GRIP2: variants seen among roughly 807,000 people sequenced by gnomAD.
GRIP2 encodes the protein glutamate receptor interacting protein 2.
Under a neutral mutation model 108.3 loss-of-function variants are expected in GRIP2, and 58 were observed. The observed-to-expected ratio is 0.54, with a 90% CI of 0.43 to 0.67. The LOEUF (loss-of-function observed/expected upper bound fraction) is 0.67. GRIP2 is among the 30% of genes least tolerant of loss of function. GRIP2 has a pLI of 0.00. For missense variants in GRIP2, 1,278 were observed against 1,430.6 expected, an observed-to-expected ratio of 0.89 and a Z score of 1.72; for synonymous variants, 586 against 598.2, an observed-to-expected ratio of 0.98 and a Z score of 0.30.
chr3:14,534,139 T>C (rs7618467), intron 1 of GRIP2, among the ~76,000 whole-genome samples: 32,179 of 152,100 alleles, frequency 0.21, 3,689 homozygotes, highest in African/African-American at 0.3. Flanking sequence ...AGAGGGGACA[T>C]AGGGCCTCTC....
At chr3:14,569,166 G>T in the GRIP2 span, among the ~76,000 whole-genome samples, 1 of 152,232 alleles carries the variant, frequency 6.6e-6, no homozygotes, top group Non-Finnish European at 1.5e-5. Context: ...ATCTTCTGCA[G>T]TGGACTCGGG....
At chr3:14,506,178 C>T (rs895583700) in intron 19 of GRIP2, among the ~76,000 whole-genome samples, 5 of 152,194 alleles carry the variant, frequency 3.3e-5, no homozygotes, top group African/African-American at 9.7e-5. Context: ...AGCAGGTGTC[C>T]GCAGGCAAGA....
At position 14,493,332 on chromosome 3, in the gene GRIP2, G is replaced by C. The variant is rs559450764; in HGVS notation, c.*333C>G. ...CTCCCTACATCTTCGACCTCTCCAA[G>C]GAGGCCCCACAGAGACCTGGGACAG... On this transcript the variant is annotated 3_prime_UTR_variant, in exon 24 of 24. Coordinates refer to ENST00000621039, the MANE Select transcript of GRIP2 (RefSeq NM_001080423.4). 46 of 287,436 alleles carry C rather than the reference G, an allele frequency of 1.6e-4. No homozygotes were observed. The highest frequency in any genetic ancestry group is 1.0e-3 in the African/African-American group (46 of 46,062). The allele number at this position is 287,436 out of a possible 1,614,324, so 17.8% of individuals were successfully genotyped here. A position where few individuals can be genotyped will look rare whatever the true frequency, so the allele number is the denominator to read the frequency against.
At chr3:14,536,103 A>G (rs1694827748) in intron 1 of GRIP2, among the ~76,000 whole-genome samples, 1 of 152,258 alleles carries the variant, frequency 6.6e-6, no homozygotes, top group Non-Finnish European at 1.5e-5. Flanking sequence ...AAATGCATCA[A>G]TACATTTAAA....
chr3:14,527,713 T>C (rs966524137), intron 1 of GRIP2, among the ~76,000 whole-genome samples: 1 of 148,124 alleles, frequency 6.8e-6, no homozygotes, highest in Non-Finnish European at 1.5e-5. Context: ...AACAGAGGCA[T>C]GGCAAAACCC....
chr3:14,514,764 T>C (rs1174134188), intron 11 of GRIP2, among the ~76,000 whole-genome samples: 2 of 152,214 alleles, frequency 1.3e-5, no homozygotes, highest in East Asian at 3.9e-4. Context: ...GCAGTGTCAT[T>C]TTATTGTATT....
chr3:14,520,376 A>C lies in GRIP2; in HGVS notation c.860+14T>G, dbSNP rs1232537422. ...ACACACCTCCATGGTGGCAGCACCC[A>C]GGGTGTGCCTTACCTGTCCACCACG... is the stretch of plus-strand genomic sequence containing the variant. On this transcript the variant is annotated intron_variant, in intron 8 of 23. Coordinates refer to ENST00000621039, the MANE Select transcript of GRIP2 (RefSeq NM_001080423.4). The C allele has an allele frequency of 9.9e-6, 16 of 1,610,696 alleles. No individual in the cohort carries two copies. Among genetic ancestry groups the C allele is most frequent in the Non-Finnish European group, 1.3e-5 (15 of 1,178,640 alleles).
At chr3:14,561,274 G>A in the GRIP2 span, among the ~76,000 whole-genome samples, 5 of 152,350 alleles carry the variant, frequency 3.3e-5, no homozygotes, top group South Asian at 2.1e-4. Context: ...AGATCAGCCC[G>A]GCTGGGAGCC....
At chr3:14,551,028 G>A (rs1182124837) in intron 1 of GRIP2, among the ~76,000 whole-genome samples, 1 of 152,210 alleles carries the variant, frequency 6.6e-6, no homozygotes, top group Admixed American at 6.5e-5. Flanking sequence ...GTGAGCGGGA[G>A]GGGGGAGGCA....
At chr3:14,539,855 C>CA (rs1694919052) in intron 1 of GRIP2, among the ~76,000 whole-genome samples, 1 of 152,168 alleles carries the variant, frequency 6.6e-6, no homozygotes, top group African/African-American at 2.4e-5. Flanking sequence ...AGGAACTCCT[C>CA]ACCACCACCT....
the GRIP2 span, among the ~76,000 whole-genome samples, chr3:14,567,382 C>A: frequency 0.17 from 26,577 of 152,102 alleles, 2,478 homozygotes; most frequent in Middle Eastern, 0.29. Flanking sequence ...ATCCCTCATG[C>A]CCTCCCTGGG....
chr3:14,568,476 A>G, the GRIP2 span, among the ~76,000 whole-genome samples: 1 of 152,194 alleles, frequency 6.6e-6, no homozygotes, highest in African/African-American at 2.4e-5. Context: ...CCAGTGTCAC[A>G]CAGCAAGGGA....
the GRIP2 span, among the ~76,000 whole-genome samples, chr3:14,599,630 A>G: frequency 6.6e-6 from 1 of 151,616 alleles, no homozygotes; most frequent in Admixed American, 6.6e-5. Context: ...TAAAAGAAAG[A>G]AAATGTCAAG....
chr3:14,531,166 A>G (rs1694702048), intron 1 of GRIP2: 1 of 152,224 alleles, frequency 6.6e-6, no homozygotes. Flanking sequence ...ATACATAATC[A>G]TATCATCTGT....
Position 14,511,260 on chromosome 3 carries a change from CG to C in GRIP2, c.1837del (p.Arg613AlafsTer21), listed in dbSNP as rs1486876382. 1 of 1,613,872 alleles carries C rather than the reference CG, an allele frequency of 6.2e-7. No homozygotes were observed. Among genetic ancestry groups the C allele is most frequent in the East Asian group, 2.2e-5 (1 of 44,892 alleles). ...GTCCTCCATGGGGCAGTTGTCCAGG[CG>C]GATATTGTCAATGGCCAGTAGCTTG... ...GDKLLAIDNI[R>X]LDNCPMEDAV... On this transcript the variant is annotated frameshift_variant, in exon 16 of 24. Transcript: ENST00000621039. LOFTEE classifies it high-confidence loss of function. This position sits in a 1 kb window ranked among gnomAD's most constrained non-coding sequence, Gnocchi z 4.1.
chr3:14,515,186 C>G (rs1251507289), intron 11 of GRIP2, among the ~76,000 whole-genome samples: 1 of 152,204 alleles, frequency 6.6e-6, no homozygotes, highest in African/African-American at 2.4e-5. Flanking sequence ...CTTTTTGTGG[C>G]TGAATAATAT....
chr3:14,505,733 C>A lies in GRIP2; in HGVS notation c.2455G>T (p.Gly819Cys). The A allele has an allele frequency of 6.3e-7, 1 of 1,584,582 alleles. No homozygotes were observed. Among genetic ancestry groups the A allele is most frequent in the Non-Finnish European group, 8.6e-7 (1 of 1,165,490 alleles). ...GGTGGGGGGCTGCCCCTCAGCCAGC[C>A]AGGCCTCCGCTCCTGGGGGGTCGTG... ...RGTTPQERRP[G>C]WLRGSPPPTE... is the part of the protein sequence containing the mutation. Residue 819 changes from glycine to cysteine, a missense_variant, in exon 20 of 24, where the codon GGC becomes TGC. Transcript: ENST00000621039. The surrounding 1 kb of genome is among the most constrained non-coding windows in gnomAD (Gnocchi z 4.2).
the GRIP2 span, chr3:14,573,186 G>T: frequency 1.4e-6 from 2 of 1,419,838 alleles, no homozygotes; most frequent in Non-Finnish European, 2.0e-6. Flanking sequence ...GGCATGCCAG[G>T]GCCGCTCCAG....
the GRIP2 span, among the ~76,000 whole-genome samples, chr3:14,597,910 C>G: frequency 6.6e-6 from 1 of 152,144 alleles, no homozygotes; most frequent in African/African-American, 2.4e-5. Flanking sequence ...AAAATCAGCT[C>G]CGGTGTTGAC....
Sources: gnomAD v4.1 joint callset for allele counts (sites outside exome capture counted in the v4.1 genomes callset) on GRCh38, gnomAD v4.1.1 for gene constraint, Gnocchi (gnomAD v3.1) non-coding constraint, MANE v1.5 for transcripts, NCBI Gene and HGNC (gene_info 2026-07-23, HGNC 2026-07-21) for gene names.